RARB: variants seen among roughly 807,000 people sequenced by gnomAD.
RARB encodes the protein retinoic acid receptor beta.
Under a neutral mutation model 51.9 loss-of-function variants are expected in RARB, and 17 were observed. The observed-to-expected ratio is 0.33, with a 90% CI of 0.22 to 0.49. RARB has a LOEUF of 0.49. Among genes scored for constraint, RARB ranks in the 20% least tolerant of loss-of-function variants. The probability of loss-of-function intolerance (pLI) is 0.99; values close to 1 mark genes in which losing one functional copy is unlikely to be tolerated. For synonymous variants in RARB, 215 were observed against 195.4 expected (o/e 1.10, Z -0.84); for missense variants, 369 against 550.8 (o/e 0.67, Z 3.30).
At chr3:25,047,588 T>C (rs1698242960) in intron 2 of RARB, among the ~76,000 whole-genome samples, 2 of 152,216 alleles carry the variant, frequency 1.3e-5, no homozygotes, top group Admixed American at 6.5e-5. Flanking sequence ...TGAAGGGCAG[T>C]AGCATATTTT....
At chr3:24,843,494 T>C (rs1189597178) in intron 1 of RARB, among the ~76,000 whole-genome samples, 1 of 152,210 alleles carries the variant, frequency 6.6e-6, no homozygotes, top group Non-Finnish European at 1.5e-5. Flanking sequence ...ATAGACAAAG[T>C]ACCTGGCACA....
chr3:25,087,077 C>A (rs559910378), intron 3 of RARB, among the ~76,000 whole-genome samples: 1 of 152,050 alleles, frequency 6.6e-6, no homozygotes, highest in Non-Finnish European at 1.5e-5. Flanking sequence ...TAATATAATT[C>A]GATTTTTTTC....
chr3:25,426,425 G>A (rs542837963), upstream of RARB, among the ~76,000 whole-genome samples: 25 of 152,342 alleles, frequency 1.6e-4, no homozygotes, highest in Non-Finnish European at 3.1e-4. Flanking sequence ...TTCATAAAAG[G>A]ATCTTTGACT....
intron 2 of RARB, among the ~76,000 whole-genome samples, chr3:24,970,266 G>A (rs75354726): frequency 0.011 from 1,709 of 152,108 alleles, 41 homozygotes; most frequent in African/African-American, 0.039. Flanking sequence ...AGCAAAGAAC[G>A]TGTATTTTCT....
chr3:25,258,804 CAGG>C (rs1702928921), intron 5 of RARB, among the ~76,000 whole-genome samples: 1 of 152,082 alleles, frequency 6.6e-6, no homozygotes, highest in African/African-American at 2.4e-5. Context: ...AGACACCAAA[CAGG>C]AGCGGCAGCC....
chr3:25,059,886 C>T (rs1309093805), intron 2 of RARB, among the ~76,000 whole-genome samples: 1 of 151,738 alleles, frequency 6.6e-6, no homozygotes, highest in Non-Finnish European at 1.5e-5. Flanking sequence ...TGACTTTTCT[C>T]TTGAAAGAGT....
chr3:24,862,270 G>C (rs763196659), intron 2 of RARB, among the ~76,000 whole-genome samples: 3 of 152,186 alleles, frequency 2.0e-5, no homozygotes, highest in Admixed American at 6.5e-5. Flanking sequence ...GAGTGTTGGA[G>C]TGCTATTAAA....
chr3:24,962,515 C>T (rs115971013), intron 2 of RARB, among the ~76,000 whole-genome samples: 2,969 of 152,224 alleles, frequency 0.02, 108 homozygotes, highest in African/African-American at 0.067. Context: ...GGCCACAGAC[C>T]GATACCAGTC....
intron 2 of RARB, among the ~76,000 whole-genome samples, chr3:24,907,369 A>G (rs575954444): frequency 3.3e-5 from 5 of 152,374 alleles, no homozygotes; most frequent in Admixed American, 3.3e-4. Context: ...GCCTAGGGCC[A>G]CACTTAGTAT....
chr3:25,242,080 A>G (rs903958283), intron 5 of RARB, among the ~76,000 whole-genome samples: 5 of 152,050 alleles, frequency 3.3e-5, no homozygotes, highest in South Asian at 2.1e-4. Flanking sequence ...GCTTCTTTTC[A>G]TATGTTTTTT....
intron 5 of RARB, among the ~76,000 whole-genome samples, chr3:25,343,024 TTGTGTGTGTGTGTGTGTGTG>T (rs6147737): frequency 6.4e-4 from 84 of 132,156 alleles, no homozygotes; most frequent in East Asian, 1.7e-3. Context: ...TGCAAGTACT[TTGTGTGTGTGTGTGTGTGTG>T]TGTGTGTGTG....
intron 1 of RARB, among the ~76,000 whole-genome samples, chr3:25,456,702 G>C (rs944627020): frequency 2.0e-5 from 3 of 147,974 alleles, no homozygotes; most frequent in Middle Eastern, 3.5e-3. Flanking sequence ...GAGAGAGAGA[G>C]AGAGAGAGAG....
chr3:24,883,142 C>A (rs1053515831), intron 2 of RARB, among the ~76,000 whole-genome samples: 1 of 152,102 alleles, frequency 6.6e-6, no homozygotes, highest in Non-Finnish European at 1.5e-5. Flanking sequence ...AACAAAAAAT[C>A]TGTTTTAAAA....
intron 5 of RARB, among the ~76,000 whole-genome samples, chr3:25,351,619 G>A (rs186735071): frequency 1.2e-4 from 18 of 152,186 alleles, no homozygotes; most frequent in East Asian, 7.7e-4. Context: ...TTACCAGCCC[G>A]GAAGACACTT....
At chr3:25,403,951 G>A (rs1411223640) in intron 5 of RARB, among the ~76,000 whole-genome samples, 3 of 143,006 alleles carry the variant, frequency 2.1e-5, no homozygotes, top group Non-Finnish European at 3.0e-5. Context: ...ATAGGCCAAA[G>A]CTTCCCTAAT....
chr3:25,123,784 C>A (rs1319219100), intron 3 of RARB, among the ~76,000 whole-genome samples: 1 of 152,158 alleles, frequency 6.6e-6, no homozygotes, highest in East Asian at 1.9e-4. Context: ...ATCTTTTCAA[C>A]CACGTTATCT....
intron 2 of RARB, among the ~76,000 whole-genome samples, chr3:24,882,724 AC>A (rs1703191530): frequency 6.6e-6 from 1 of 152,190 alleles, no homozygotes; most frequent in Non-Finnish European, 1.5e-5. Context: ...TTAACTTGTT[AC>A]CCAGTCCACA....
chr3:25,282,820 G>A (rs751475539), intron 5 of RARB, among the ~76,000 whole-genome samples: 14 of 152,182 alleles, frequency 9.2e-5, no homozygotes, highest in Non-Finnish European at 1.5e-5. Flanking sequence ...ATCTTTGGAA[G>A]CTTTCTCGTA....
chr3:25,303,638 A>T (rs964102697), intron 5 of RARB, among the ~76,000 whole-genome samples: 1 of 152,178 alleles, frequency 6.6e-6, no homozygotes, highest in African/African-American at 2.4e-5. Flanking sequence ...TCTTTTCTGC[A>T]TGGTGCTGTT....
Sources: gnomAD v4.1 joint callset for allele counts (sites outside exome capture counted in the v4.1 genomes callset) on GRCh38, gnomAD v4.1.1 for gene constraint, MANE v1.5 for transcripts, NCBI Gene and HGNC (gene_info 2026-07-23, HGNC 2026-07-21) for gene names.